Variants in SCN2A observed in about 807,000 individuals in gnomAD.
SCN2A encodes sodium channel protein type 2 subunit alpha.
Under a neutral mutation model 188.7 loss-of-function variants are expected in SCN2A, and 20 were observed. The observed-to-expected ratio is 0.11, with a 90% confidence interval of 0.07 to 0.15. The LOEUF is 0.15. Ranked by LOEUF, SCN2A falls within the 10% of genes least tolerant of loss-of-function variation. The probability of loss-of-function intolerance (pLI) is 1.00; values close to 1 mark genes in which losing one functional copy is unlikely to be tolerated. For missense variants in SCN2A, 1,278 were observed against 2,445.0 expected, an observed-to-expected ratio of 0.52 and a Z score of 10.07; for synonymous variants, 804 against 833.1, an observed-to-expected ratio of 0.97 and a Z score of 0.60.
chr2:165,348,117 G>T (rs1400983714), intron 16 of SCN2A, among the ~76,000 whole-genome samples: 1 of 152,142 alleles, frequency 6.6e-6, no homozygotes, highest in East Asian at 1.9e-4. Context: ...GCAGCATTTT[G>T]GGAGACTGAA....
At position 165,344,590 on chromosome 2, in the gene SCN2A, T is replaced by C. The variant is rs1306050789; in HGVS notation, c.2598T>C (p.Thr866=). Residue 866 remains threonine, a synonymous_variant, in exon 16 of 27, where the codon ACT becomes ACC. Coordinates refer to ENST00000375437, the MANE Select transcript of SCN2A (RefSeq NM_001040142.2). ...TCAAGTTGGCAAAATCTTGGCCAAC[T>C]CTAAATATGCTAATTAAGATCATTG... ...RVFKLAKSWP[T]LNMLIKIIGN... is the part of the protein sequence containing the mutation. 6.2e-7 allele frequency: 1 copy of C among 1,614,170 alleles called. No individual in the cohort carries two copies. Among genetic ancestry groups the C allele is most frequent in the Non-Finnish European group, 8.5e-7 (1 of 1,180,018 alleles).
At chr2:165,291,495 C>CTTTCTTTCTTTCTT (rs1559340357) in intron 1 of SCN2A, among the ~76,000 whole-genome samples, 2 of 44,270 alleles carry the variant, frequency 4.5e-5, no homozygotes, top group Non-Finnish European at 4.4e-5. Context: ...TCTTTCTTTT[C>CTTTCTTTCTTTCTT]TTTCTTTCTT....
chr2:165,290,844 A>G (rs1696063535), intron 1 of SCN2A: 1 of 858,722 alleles, frequency 1.2e-6, no homozygotes, highest in Non-Finnish European at 1.4e-6. Flanking sequence ...GATATACCAT[A>G]TGTATATATC....
intron 11 of SCN2A, among the ~76,000 whole-genome samples, chr2:165,319,272 G>A (rs1177479603): frequency 6.6e-6 from 1 of 152,112 alleles, no homozygotes; most frequent in Non-Finnish European, 1.5e-5. Context: ...GGGAGGTGGA[G>A]CTTGCAGTGA....
At chr2:165,283,570 TAATAGC>T in intron 1 of SCN2A, among the ~76,000 whole-genome samples, 1 of 152,292 alleles carries the variant, frequency 6.6e-6, no homozygotes. Context: ...GCTAGTCCCA[TAATAGC>T]AATAGCAAGA....
intron 10 of SCN2A, 75 bp from the exon 11 acceptor site, chr2:165,315,396 A>T (rs1302239339): frequency 1.8e-5 from 28 of 1,594,112 alleles, no homozygotes; most frequent in Non-Finnish European, 2.4e-5. Flanking sequence ...ATGATATTGA[A>T]GCTCAATTAA....
intron 1 of SCN2A, among the ~76,000 whole-genome samples, chr2:165,278,742 G>T (rs1219358676): frequency 6.6e-6 from 1 of 152,032 alleles, no homozygotes; most frequent in Non-Finnish European, 1.5e-5. Flanking sequence ...ACCAGCGCTG[G>T]CAACATAGTA....
intron 1 of SCN2A, among the ~76,000 whole-genome samples, chr2:165,251,237 T>C (rs1001652424): frequency 3.3e-5 from 5 of 151,980 alleles, no homozygotes; most frequent in Admixed American, 6.6e-5. Context: ...TGTTGCTGAG[T>C]GGCTCATAGA....
At chr2:165,259,224 G>T (rs1258059365) in intron 1 of SCN2A, among the ~76,000 whole-genome samples, 1 of 152,174 alleles carries the variant, frequency 6.6e-6, no homozygotes, top group Non-Finnish European at 1.5e-5. Flanking sequence ...TGAGTCTTCA[G>T]CAAGTCATAA....
intron 1 of SCN2A, among the ~76,000 whole-genome samples, chr2:165,247,152 A>G (rs1205194014): frequency 2.6e-5 from 4 of 152,138 alleles, no homozygotes; most frequent in African/African-American, 9.7e-5. Context: ...TCTTACTTAC[A>G]CAAGGGCATC....
chr2:165,386,658 A>AT (rs1701890761), intron 25 of SCN2A, 88 bp from the exon 26 acceptor site: 10 of 1,351,934 alleles, frequency 7.4e-6, no homozygotes, highest in African/African-American at 1.5e-5. Flanking sequence ...TAAAAGCTAC[A>AT]TTTTTTGTTG....
At chr2:165,293,311 G>A (rs1405956547) in intron 1 of SCN2A, among the ~76,000 whole-genome samples, 1 of 152,146 alleles carries the variant, frequency 6.6e-6, no homozygotes, top group Non-Finnish European at 1.5e-5. Flanking sequence ...TTTACGTCAT[G>A]CTTTGCTTAA....
intron 1 of SCN2A, among the ~76,000 whole-genome samples, chr2:165,265,350 GT>G (rs200419106): frequency 0.053 from 7,657 of 143,846 alleles, 233 homozygotes; most frequent in Middle Eastern, 0.18. Context: ...TTGTTTGTTT[GT>G]TTTTTTTTCT....
At chr2:165,269,389 T>C (rs1257729713) in intron 1 of SCN2A, 1 of 152,016 alleles carries the variant, frequency 6.6e-6, no homozygotes, top group Non-Finnish European at 1.5e-5. Flanking sequence ...CAAGCAAACA[T>C]GGTGGTCAAG....
intron 3 of SCN2A, among the ~76,000 whole-genome samples, chr2:165,298,114 G>T (rs1400441970): frequency 6.6e-6 from 1 of 152,160 alleles, no homozygotes; most frequent in Non-Finnish European, 1.5e-5. Context: ...CAGAGGTAAG[G>T]CAGGGGAACT....
chr2:165,308,405 T>A (rs1697253228), intron 4 of SCN2A, among the ~76,000 whole-genome samples: 1 of 152,150 alleles, frequency 6.6e-6, no homozygotes, highest in Admixed American at 6.5e-5. Flanking sequence ...TTTCAGATTA[T>A]GTCTTCATAT....
At chr2:165,327,412 T>A in intron 13 of SCN2A, 1 of 195,668 alleles carries the variant, frequency 5.1e-6, no homozygotes. Context: ...GATATTAACT[T>A]CCTTGAAGCA....
At position 165,368,288 on chromosome 2, in the gene SCN2A, G is replaced by C. The variant is rs116688369; in HGVS notation, c.3675+917G>C. Reference sequence around the variant, plus strand: ...GTCCAACTGTAGTCTCTGATGTCCAGCTGTTCCTCCTGTCTGCCTGCTGAG... The same window carrying C: ...GTCCAACTGTAGTCTCTGATGTCCACCTGTTCCTCCTGTCTGCCTGCTGAG... On this transcript the variant is annotated intron_variant, in intron 19 of 26. Transcript: ENST00000375437. 7.6e-3 allele frequency among the ~76,000 whole-genome samples: 1,162 copies of C among 152,258 alleles called. 23 individuals carry two copies. The highest frequency in any genetic ancestry group is 0.026 in the African/African-American group (1,073 of 41,552).
At chr2:165,337,217 T>A (rs1364422959) in intron 14 of SCN2A, among the ~76,000 whole-genome samples, 1 of 152,110 alleles carries the variant, frequency 6.6e-6, no homozygotes, top group Non-Finnish European at 1.5e-5. Flanking sequence ...AAATTGCAGA[T>A]GTCAGAAGAA....
Sources: allele counts gnomAD v4.1 joint callset (sites outside exome capture counted in the v4.1 genomes callset), GRCh38; gene constraint gnomAD v4.1.1; transcripts MANE v1.5; gene names NCBI Gene and HGNC (gene_info 2026-07-23, HGNC 2026-07-21).